Variants in SBF2 observed in about 807,000 individuals in gnomAD.
SBF2 encodes SET binding factor 2, also known as myotubularin-related protein 13.
A neutral mutation model predicts 225.2 loss-of-function variants in SBF2; 112 were observed. The ratio of observed to expected loss-of-function variants is 0.50; its 90% CI spans 0.43 to 0.58. The LOEUF (loss-of-function observed/expected upper bound fraction) is 0.58, where lower values mean the gene tolerates loss of function less well. SBF2 is among the 20% of genes least tolerant of loss of function. The probability of loss-of-function intolerance (pLI) is 0.00; values close to 1 mark genes in which losing one functional copy is unlikely to be tolerated. For missense variants in SBF2, 1,996 were observed against 2,206.2 expected, an observed-to-expected ratio of 0.90 and a Z score of 1.91; for synonymous variants, 763 against 773.3, an observed-to-expected ratio of 0.99 and a Z score of 0.22.
intron 2 of SBF2, among the ~76,000 whole-genome samples, chr11:10,124,562 T>C (rs1010519000): frequency 1.3e-5 from 2 of 152,252 alleles, no homozygotes; most frequent in Non-Finnish European, 2.9e-5. Context: ...ATTATCTTAC[T>C]GGTTCCTACT....
intron 39 of SBF2, 65 bp from the exon 40 acceptor site, chr11:9,780,581 TG>T: frequency 1.5e-6 from 2 of 1,354,674 alleles, no homozygotes; most frequent in South Asian, 1.2e-5. Flanking sequence ...TTTGGGTAAG[TG>T]GTAAATCAGT....
In SBF2 at chr11:9,792,939, GT is replaced by G. The variant is rs34305025; in HGVS notation, c.4571-2257del. Among the ~76,000 whole-genome samples, 394 of 121,182 alleles carry G rather than the reference GT, an allele frequency of 3.3e-3. 1 individual carries two copies. Among genetic ancestry groups the G allele is most frequent in the African/African-American group, 6.8e-3 (215 of 31,840 alleles). The allele number at this position is 121,182 out of a possible 152,430, so 79.5% of individuals were successfully genotyped here. On this transcript the variant is annotated intron_variant, in intron 33 of 39. Coordinates refer to ENST00000256190, the MANE Select transcript of SBF2 (RefSeq NM_030962.4). ...AGCTAATTTGTGTGTGTGTGTGTGT[GT>G]TTTTTTTTTTTTTTTTTGTAGAGAT... is the stretch of plus-strand genomic sequence containing the variant.
In SBF2 at chr11:9,934,044, G is replaced by A. The variant is rs368149428; in HGVS notation, c.1860+27913C>T. Reference sequence around the variant, plus strand: ...TTGCAGTGAGCTGAGATTGTGCCATGGCACTCTAGCCTGGGTGACAGAGCG... The same window carrying A: ...TTGCAGTGAGCTGAGATTGTGCCATAGCACTCTAGCCTGGGTGACAGAGCG... On this transcript the variant is annotated intron_variant, in intron 16 of 39. Coordinates refer to ENST00000256190, the MANE Select transcript of SBF2 (RefSeq NM_030962.4). Among the ~76,000 whole-genome samples the A allele has an allele frequency of 6.6e-5, 10 of 151,722 alleles. No individual in the cohort carries two copies. The East Asian group carries it at 1.9e-3, about 29-fold the overall frequency.
chr11:10,248,862 G>T (rs542683964), intron 1 of SBF2, among the ~76,000 whole-genome samples: 1 of 152,198 alleles, frequency 6.6e-6, no homozygotes, highest in Admixed American at 6.5e-5. Context: ...TTGGGAGGCC[G>T]AGGTGGGCGG....
chr11:9,799,213 G>A (rs562413748), intron 32 of SBF2, among the ~76,000 whole-genome samples: 1 of 152,120 alleles, frequency 6.6e-6, no homozygotes, highest in Admixed American at 6.5e-5. Context: ...AAAGTGAAAC[G>A]TCTTTACAAG....
At chr11:9,868,220 C>T (rs190120729) in intron 17 of SBF2, among the ~76,000 whole-genome samples, 253 of 151,494 alleles carry the variant, frequency 1.7e-3, no homozygotes, top group African/African-American at 5.8e-3. Flanking sequence ...GTTGTTGGGG[C>T]GCAGTGGCTC....
At chr11:10,242,513 A>T (rs1475011633) in intron 1 of SBF2, among the ~76,000 whole-genome samples, 2 of 152,196 alleles carry the variant, frequency 1.3e-5, no homozygotes, top group Non-Finnish European at 2.9e-5. Flanking sequence ...CAATCACGTT[A>T]AATGTAAAAT....
chr11:10,031,688 C>T (rs1328166682), intron 3 of SBF2, among the ~76,000 whole-genome samples: 6 of 152,182 alleles, frequency 3.9e-5, no homozygotes, highest in Non-Finnish European at 5.9e-5. Context: ...AAAGCACAAT[C>T]GGCTCTAAAT....
intron 2 of SBF2, among the ~76,000 whole-genome samples, chr11:10,119,750 AC>A: frequency 6.6e-6 from 1 of 152,290 alleles, no homozygotes; most frequent in East Asian, 1.9e-4. Flanking sequence ...TCATAAAAAA[AC>A]CACCTACCTA....
chr11:10,172,501 G>A (rs1464525403), intron 2 of SBF2, among the ~76,000 whole-genome samples: 1 of 151,978 alleles, frequency 6.6e-6, no homozygotes, highest in East Asian at 1.9e-4. Flanking sequence ...ACAGGCACCT[G>A]CCACCGCGCC....
chr11:9,839,468 C>A, intron 26 of SBF2, 30 bp downstream of exon 26: 1 of 1,602,602 alleles, frequency 6.2e-7, no homozygotes, highest in South Asian at 1.1e-5. Flanking sequence ...GGAAGGAAGA[C>A]CTCTTTTTGG....
chr11:10,239,142 T>C (rs2135456266), intron 1 of SBF2, among the ~76,000 whole-genome samples: 1 of 150,716 alleles, frequency 6.6e-6, no homozygotes, highest in Admixed American at 6.6e-5. Flanking sequence ...TCTGCATGTA[T>C]GTGAATATAT....
chr11:10,203,946 G>A (rs1352804604), intron 1 of SBF2, among the ~76,000 whole-genome samples: 1 of 151,946 alleles, frequency 6.6e-6, no homozygotes, highest in Non-Finnish European at 1.5e-5. Flanking sequence ...AGGGAATGGA[G>A]ATATATCTGA....
At chr11:10,170,165 G>C (rs1956128545) in intron 2 of SBF2, among the ~76,000 whole-genome samples, 1 of 152,002 alleles carries the variant, frequency 6.6e-6, no homozygotes, top group South Asian at 2.1e-4. Flanking sequence ...TTTCTGCTTT[G>C]GTTGTCTGTG....
At chr11:9,994,519 T>C (rs67132348) in intron 9 of SBF2, among the ~76,000 whole-genome samples, 29,159 of 144,258 alleles carry the variant, frequency 0.2, 3,054 homozygotes, top group East Asian at 0.26. Flanking sequence ...AAAATACACA[T>C]AGTATGGCCT....
Position 9,968,512 on chromosome 11 carries a change from C to G in SBF2, c.1429G>C (p.Val477Leu). The G allele has an allele frequency of 6.2e-7, 1 of 1,614,080 alleles. No individual in the cohort carries two copies. Among genetic ancestry groups the G allele is most frequent in the East Asian group, 2.2e-5 (1 of 44,882 alleles). The part of the protein sequence containing the change: ...NPNPHMAFQK[V>L]PRPTEGSHLR... ...TGGGATCCTTCTGTTGGCCGTGGAA[C>G]TTTCTGGAATGCCATATGAGGATTT... is the stretch of plus-strand genomic sequence containing the variant. The change falls in exon 14 of 40, where the codon GTT (valine) becomes CTT (leucine). Residue 477 changes from valine (V) to leucine (L), a missense_variant. Physicochemically the swap from Val to Leu is conservative, Grantham distance 32. Coordinates refer to ENST00000256190, the MANE Select transcript of SBF2 (RefSeq NM_030962.4).
At chr11:9,886,592 T>C (rs979318339) in intron 17 of SBF2, among the ~76,000 whole-genome samples, 16 of 146,524 alleles carry the variant, frequency 1.1e-4, no homozygotes, top group African/African-American at 3.7e-4. Context: ...AAAAGTGGAT[T>C]TCTGCCTCTT....
chr11:10,233,557 A>G (rs1958941852), intron 1 of SBF2, among the ~76,000 whole-genome samples: 1 of 150,864 alleles, frequency 6.6e-6, no homozygotes, highest in South Asian at 2.1e-4. Flanking sequence ...ATATATATAT[A>G]TATCTCTCTC....
chr11:9,788,202 G>C (rs1256978927), intron 35 of SBF2, among the ~76,000 whole-genome samples: 1 of 152,186 alleles, frequency 6.6e-6, no homozygotes, highest in Admixed American at 6.5e-5. Context: ...CAAGGAAACA[G>C]ATATACCTTC....
Sources: allele counts gnomAD v4.1 joint callset (sites outside exome capture counted in the v4.1 genomes callset), GRCh38; gene constraint gnomAD v4.1.1; transcripts MANE v1.5; gene names NCBI Gene and HGNC (gene_info 2026-07-23, HGNC 2026-07-21).